ATF7: variants seen among roughly 807,000 people sequenced by gnomAD.
ATF7 encodes cyclic AMP-dependent transcription factor ATF-7.
ATF7 carries 10 observed loss-of-function variants against 50.4 expected under a neutral mutation model. The observed-to-expected ratio is 0.20, with a 90% confidence interval of 0.12 to 0.34. ATF7 has a LOEUF of 0.34. Ranked by LOEUF, ATF7 falls within the 10% of genes least tolerant of loss-of-function variation. The pLI is 1.00. For synonymous variants in ATF7, 201 were observed against 226.4 expected (o/e 0.89, Z 1.01); for missense variants, 465 against 613.9 (o/e 0.76, Z 2.56).
At chr12:53,584,810 C>A (rs1942599041) in intron 2 of ATF7, among the ~76,000 whole-genome samples, 1 of 151,964 alleles carries the variant, frequency 6.6e-6, no homozygotes, top group Non-Finnish European at 1.5e-5. Flanking sequence ...TGTATGATTC[C>A]AACTAAACAA....
At chr12:53,508,046 T>C (rs980883620), downstream of ATF7, 1 of 152,048 alleles carries the variant, frequency 6.6e-6, no homozygotes, top group Non-Finnish European at 1.5e-5. Context: ...AGAAAAAATA[T>C]ATTCAACTTC....
At chr12:53,588,804 C>A (rs1483190767) in intron 2 of ATF7, among the ~76,000 whole-genome samples, 1 of 152,084 alleles carries the variant, frequency 6.6e-6, no homozygotes, top group Non-Finnish European at 1.5e-5. Context: ...GTCCTTGCTG[C>A]AAAATGATGG....
At chr12:53,563,223 T>A (rs1046224214) in intron 2 of ATF7, among the ~76,000 whole-genome samples, 1 of 152,230 alleles carries the variant, frequency 6.6e-6, no homozygotes, top group Non-Finnish European at 1.5e-5. Flanking sequence ...CAGTGATCTA[T>A]CTTTCTTGAA....
At chr12:53,612,430 C>T (rs1213988047) in intron 1 of ATF7, among the ~76,000 whole-genome samples, 2 of 152,098 alleles carry the variant, frequency 1.3e-5, no homozygotes, top group African/African-American at 2.4e-5. Context: ...TGTGCCATCA[C>T]GCCCGGCTAA....
Position 53,521,234 on chromosome 12 carries a change from C to T in ATF7, c.1234+2042G>A, listed in dbSNP as rs575831046. On this transcript the variant is annotated intron_variant, in intron 11 of 11. Coordinates refer to ENST00000420353, the MANE Select transcript of ATF7 (RefSeq NM_006856.3). ...CTCGAACTCTCGACCTCAGGTGATA[C>T]GCCTGCCTTGGCCTCCCAAAGTGCT... Among the ~76,000 whole-genome samples, 1,030 of 152,280 alleles carry T rather than the reference C, an allele frequency of 6.8e-3. 5 individuals are homozygous for T. Among genetic ancestry groups the T allele is most frequent in the African/African-American group, 0.024 (984 of 41,556 alleles).
chr12:53,562,073 C>G lies in ATF7; in HGVS notation c.49-9436G>C, dbSNP rs1471637621. Among the ~76,000 whole-genome samples the G allele has an allele frequency of 2.6e-5, 4 of 152,164 alleles. No individual in the cohort carries two copies. In the East Asian group the frequency reaches 5.8e-4, roughly 22 times the overall value. ...TGTTTTGGGAAGGCTGTTGGAATATCTTAAAGATTCTGGCAGCTTAACAAA... is the reference window on the plus strand; with the variant it reads ...TGTTTTGGGAAGGCTGTTGGAATATGTTAAAGATTCTGGCAGCTTAACAAA... On this transcript the variant is annotated intron_variant, in intron 2 of 11. Coordinates refer to ENST00000420353, the MANE Select transcript of ATF7 (RefSeq NM_006856.3).
chr12:53,619,492 A>G (rs1271919248), intron 1 of ATF7, among the ~76,000 whole-genome samples: 65 of 150,590 alleles, frequency 4.3e-4, no homozygotes, highest in African/African-American at 1.6e-3. Context: ...GTGTCAAAAA[A>G]AAAAAAAAAA....
At chr12:53,573,141 C>G (rs1941866766) in intron 2 of ATF7, among the ~76,000 whole-genome samples, 2 of 150,860 alleles carry the variant, frequency 1.3e-5, no homozygotes, top group Admixed American at 1.3e-4. Flanking sequence ...AGAGAGAACA[C>G]ATTTATATAA....
At chr12:53,545,962 G>A (rs1028855979) in intron 3 of ATF7, among the ~76,000 whole-genome samples, 2 of 152,116 alleles carry the variant, frequency 1.3e-5, no homozygotes, top group Non-Finnish European at 2.9e-5. Context: ...GGAGGCCGAG[G>A]CAAGTGGATC....
intron 2 of ATF7, among the ~76,000 whole-genome samples, chr12:53,552,952 G>A (rs991840483): frequency 2.6e-5 from 4 of 151,976 alleles, no homozygotes; most frequent in African/African-American, 9.7e-5. Flanking sequence ...AGGCAAACTC[G>A]TATTGAACAA....
intron 9 of ATF7, among the ~76,000 whole-genome samples, chr12:53,529,142 G>T (rs187443704): frequency 6.6e-6 from 1 of 152,190 alleles, no homozygotes; most frequent in African/African-American, 2.4e-5. Context: ...CTGGCTTCAG[G>T]TACAGTAACT....
At chr12:53,589,223 T>C (rs1273910907) in intron 2 of ATF7, among the ~76,000 whole-genome samples, 2 of 152,212 alleles carry the variant, frequency 1.3e-5, no homozygotes. Context: ...CACAAAATAC[T>C]GAGTAACCCT....
At chr12:53,590,232 T>C (rs561135308) in intron 2 of ATF7, among the ~76,000 whole-genome samples, 8 of 152,200 alleles carry the variant, frequency 5.3e-5, no homozygotes, top group Admixed American at 2.6e-4. Context: ...GTAGCCAATA[T>C]CACAGTCGTC....
At chr12:53,587,665 A>G (rs1316683729) in intron 2 of ATF7, among the ~76,000 whole-genome samples, 1 of 146,192 alleles carries the variant, frequency 6.8e-6, no homozygotes, top group African/African-American at 2.5e-5. Context: ...TGAGTGATAG[A>G]GCGATCAAAA....
intron 1 of ATF7, among the ~76,000 whole-genome samples, chr12:53,607,678 C>T (rs1943671673): frequency 6.6e-6 from 1 of 151,868 alleles, no homozygotes; most frequent in Admixed American, 6.6e-5. Context: ...TAAAATTGTA[C>T]ATGCACCATA....
At chr12:53,622,321 AT>A (rs1944414865) in intron 1 of ATF7, among the ~76,000 whole-genome samples, 1 of 148,640 alleles carries the variant, frequency 6.7e-6, no homozygotes, top group Admixed American at 6.7e-5. Flanking sequence ...AATAATAATA[AT>A]AATAATAGAA....
At chr12:53,559,984 G>A (rs1199376961) in intron 2 of ATF7, among the ~76,000 whole-genome samples, 1 of 152,052 alleles carries the variant, frequency 6.6e-6, no homozygotes, top group Admixed American at 6.6e-5. Context: ...GTGCAATGGT[G>A]TGATCTCGGC....
intron 3 of ATF7, among the ~76,000 whole-genome samples, chr12:53,551,839 T>C (rs1033515814): frequency 1.3e-5 from 2 of 152,186 alleles, no homozygotes; most frequent in Non-Finnish European, 2.9e-5. Context: ...CTCTCATGGA[T>C]CAAAAGAAAA....
rs1939296010 is a variant in ATF7 at position 53,537,552 on chromosome 12, C to T, written c.265G>A (p.Ala89Thr). The change falls in exon 5 of 12, where the codon GCT becomes ACT. Residue 89 changes from alanine to threonine, a missense_variant and splice_region_variant. Ala to Thr is a moderately conservative substitution (Grantham distance 58). Coordinates refer to ENST00000420353, the MANE Select transcript of ATF7 (RefSeq NM_006856.3). ...KKAADEDEKKAAAGPLDMSLP... is the reference protein window; with the variant it reads ...KKAADEDEKKTAAGPLDMSLP... ...GACATGTCAAGGGGCCCAGCAGCAGCCTGTTGTGAAAGAAAAATGAACAGA... is the reference window on the plus strand; with the variant it reads ...GACATGTCAAGGGGCCCAGCAGCAGTCTGTTGTGAAAGAAAAATGAACAGA... 6.2e-7 allele frequency: 1 copy of T among 1,612,996 alleles called. No homozygotes were observed. The highest frequency in any genetic ancestry group is 1.3e-5 in the African/African-American group (1 of 74,868).
Sources: allele counts gnomAD v4.1 joint callset (sites outside exome capture counted in the v4.1 genomes callset), GRCh38; gene constraint gnomAD v4.1.1; transcripts MANE v1.5; gene names NCBI Gene and HGNC (gene_info 2026-07-23, HGNC 2026-07-21).